Variants in PCDHA3 observed in about 807,000 individuals in gnomAD.
PCDHA3 encodes protocadherin alpha 3.
Under a neutral mutation model 62.2 loss-of-function variants are expected in PCDHA3, and 41 were observed. That is an observed-to-expected ratio of 0.66 (90% confidence interval 0.51 to 0.86). The LOEUF (loss-of-function observed/expected upper bound fraction) is 0.86. Among genes scored for constraint, PCDHA3 ranks in the 40% least tolerant of loss-of-function variants. PCDHA3 has a pLI of 0.00. For missense variants in PCDHA3, 1,304 were observed against 1,241.2 expected (o/e 1.05, Z -0.76); for synonymous variants, 640 against 555.4 (o/e 1.15, Z -2.14).
chr5:140,932,063 T>C (rs1020375496), intron 1 of PCDHA3, among the ~76,000 whole-genome samples: 8 of 151,942 alleles, frequency 5.3e-5, no homozygotes, highest in African/African-American at 1.4e-4. Context: ...CTAAAAATTA[T>C]CAGTTTAAGA....
Position 140,884,585 on chromosome 5 carries a change from A to G in PCDHA3, c.2394+80994A>G, listed in dbSNP as rs2060279044. 1.9e-6 allele frequency: 3 copies of G among 1,614,072 alleles called. No individual in the cohort carries two copies. The South Asian group carries it at 3.3e-5, about 18-fold the overall frequency. On this transcript the variant is annotated intron_variant, in intron 1 of 3. Coordinates refer to ENST00000522353, the MANE Select transcript of PCDHA3 (RefSeq NM_018906.3). ...GCATAAGACGGACCTCATGGCCTTC[A>G]GTCCCAGCCTTCCTCCTTGTCTGGG...
intron 1 of PCDHA3, among the ~76,000 whole-genome samples, chr5:140,938,520 A>G (rs1240941217): frequency 6.6e-6 from 1 of 150,896 alleles, no homozygotes; most frequent in African/African-American, 2.4e-5. Context: ...ATTTTCTGTT[A>G]TTGAATGGAT....
At chr5:140,930,175 G>A (rs1554207630) in intron 1 of PCDHA3, 2 of 152,134 alleles carry the variant, frequency 1.3e-5, no homozygotes, top group African/African-American at 4.8e-5. Context: ...TTACAAAGAG[G>A]AAAGATGAGT....
chr5:140,993,238 T>A (rs896841031), intron 3 of PCDHA3, among the ~76,000 whole-genome samples: 1 of 152,182 alleles, frequency 6.6e-6, no homozygotes, highest in African/African-American at 2.4e-5. Context: ...TCTCTGAATC[T>A]GGGGATTTAG....
intron 1 of PCDHA3, among the ~76,000 whole-genome samples, chr5:140,942,913 G>GA (rs58669311): frequency 1.5e-4 from 23 of 148,948 alleles, no homozygotes; most frequent in Middle Eastern, 3.5e-3. Flanking sequence ...TAAGCGTGAA[G>GA]AAAAAAAAAA....
At chr5:140,862,914 T>G (rs1324923018) in intron 1 of PCDHA3, 1 of 548,316 alleles carries the variant, frequency 1.8e-6, no homozygotes, top group African/African-American at 2.0e-5. Flanking sequence ...TGCTGGCGCC[T>G]TGGGTGGGCT....
At chr5:140,887,039 T>G (rs1396033565) in intron 1 of PCDHA3, among the ~76,000 whole-genome samples, 2 of 152,156 alleles carry the variant, frequency 1.3e-5, no homozygotes, top group African/African-American at 4.8e-5. Flanking sequence ...TTAATATTTT[T>G]TATAGTGCAT....
intron 1 of PCDHA3, chr5:140,809,383 C>T (rs558389511): frequency 1.9e-6 from 3 of 1,614,038 alleles, no homozygotes; most frequent in African/African-American, 1.3e-5. Flanking sequence ...AGGGCGCGTG[C>T]GCTCCGGGCA....
In PCDHA3 at chr5:140,852,083, T is replaced by C; in HGVS notation, c.2394+48492T>C. 2 of 899,622 alleles carry C rather than the reference T, an allele frequency of 2.2e-6. 1 individual carries two copies. Among genetic ancestry groups the C allele is most frequent in the Non-Finnish European group, 2.7e-6 (2 of 737,816 alleles). The allele number at this position is 899,622 out of a possible 1,614,324, so 55.7% of individuals were successfully genotyped here. A position where few individuals can be genotyped will look rare whatever the true frequency, so the allele number is the denominator to read the frequency against. On this transcript the variant is annotated intron_variant, in intron 1 of 3. Coordinates refer to ENST00000522353, the MANE Select transcript of PCDHA3 (RefSeq NM_018906.3). The stretch of plus-strand genomic sequence containing the variant: ...TTCTTTCTCTTTCAGCTATTTTATT[T>C]AATATTGTGTCAGATATTTTACAAG...
Position 141,003,903 on chromosome 5 carries a change from G to C in PCDHA3, c.2543-5724G>C, listed in dbSNP as rs150270772. Among the ~76,000 whole-genome samples, 254 of 152,194 alleles carry C rather than the reference G, an allele frequency of 1.7e-3. 1 individual carries two copies. Among genetic ancestry groups the C allele is most frequent in the Non-Finnish European group, 3.4e-3 (231 of 67,998 alleles). ...AGCCTCTTAACAGGCCCATTCATTT[G>C]GGTCTTGACTGCATCCTCAGTCTTG... On this transcript the variant is annotated intron_variant, in intron 3 of 3. Coordinates refer to ENST00000522353, the MANE Select transcript of PCDHA3 (RefSeq NM_018906.3).
At chr5:140,808,451 G>A (rs781801609) in intron 1 of PCDHA3, 16 of 1,614,210 alleles carry the variant, frequency 9.9e-6, no homozygotes, top group South Asian at 5.5e-5. Flanking sequence ...GTCAGCCTAT[G>A]AGCTGGTGGT....
Position 141,009,783 on chromosome 5 carries a change from G to C in PCDHA3, c.2699G>C (p.Arg900Pro). The part of the protein sequence containing the change: ...IPGSPAIISI[R>P]QEPTNSQIDK... The stretch of plus-strand genomic sequence containing the variant: ...GGATCTCCTGCAATCATCTCCATCC[G>C]GCAGGAGCCTACTAACAGCCAAATT... Residue 900 changes from arginine (R) to proline (P), a missense_variant, in exon 4 of 4, where the codon CGG (arginine) becomes CCG (proline). Arg to Pro is a moderately radical substitution (Grantham distance 103). Coordinates refer to ENST00000522353, the MANE Select transcript of PCDHA3 (RefSeq NM_018906.3). 2 of 1,614,000 alleles carry C rather than the reference G, an allele frequency of 1.2e-6. No homozygotes were observed. The highest frequency in any genetic ancestry group is 1.7e-6 in the Non-Finnish European group (2 of 1,180,008).
intron 1 of PCDHA3, chr5:140,857,699 C>G: frequency 6.3e-7 from 1 of 1,597,158 alleles, no homozygotes; most frequent in South Asian, 1.1e-5. Context: ...CTTGACGCTG[C>G]AGGTGTTCGT....
chr5:140,824,014 T>G, intron 1 of PCDHA3: 1 of 1,614,050 alleles, frequency 6.2e-7, no homozygotes, highest in Non-Finnish European at 8.5e-7. Context: ...GGTGGGGAGC[T>G]GGTCGTACTC....
Position 140,917,751 on chromosome 5 carries a change from A to G in PCDHA3, c.2395-61198A>G, listed in dbSNP as rs577892904. On this transcript the variant is annotated intron_variant, in intron 1 of 3. Coordinates refer to ENST00000522353, the MANE Select transcript of PCDHA3 (RefSeq NM_018906.3). ...GTTCTCTAACCTGTCCCATTGGTCT[A>G]TGTGTCTGTTTTTGTATTAGTACCA... is the stretch of plus-strand genomic sequence containing the variant. Among the ~76,000 whole-genome samples the G allele has an allele frequency of 3.7e-4, 56 of 152,178 alleles. 2 individuals are homozygous for G. The highest frequency in any genetic ancestry group is 1.3e-3 in the African/African-American group (55 of 41,522).
At chr5:140,994,515 C>T (rs1450335712) in intron 3 of PCDHA3, among the ~76,000 whole-genome samples, 1 of 150,120 alleles carries the variant, frequency 6.7e-6, no homozygotes, top group African/African-American at 2.5e-5. Flanking sequence ...ACAGCCTGGG[C>T]AACATGGCAA....
chr5:140,968,635 T>C, intron 1 of PCDHA3: 1 of 1,614,190 alleles, frequency 6.2e-7, no homozygotes, highest in East Asian at 2.2e-5. Context: ...TTTTTTACCA[T>C]CTAGCCCAGA....
rs150518215 is a variant in PCDHA3, at chr5:140,883,444, T to G, written c.2394+79853T>G. On this transcript the variant is annotated intron_variant, in intron 1 of 3. Transcript: ENST00000522353. ...AGGTCACCTGCACCTTGACGCCGCATGTCCCCTTCAAGCTGGTGTCCACCT... is the reference window on the plus strand; with the variant it reads ...AGGTCACCTGCACCTTGACGCCGCAGGTCCCCTTCAAGCTGGTGTCCACCT... The G allele has an allele frequency of 2.5e-6, 4 of 1,614,052 alleles. No individual in the cohort carries two copies. In the African/African-American group the frequency reaches 4.0e-5, roughly 16 times the overall value.
Position 140,802,985 on chromosome 5 carries a change from A to G in PCDHA3, c.1788A>G (p.Ala596=), listed in dbSNP as rs1353425952. 3 of 1,613,912 alleles carry G rather than the reference A, an allele frequency of 1.9e-6. No individual in the cohort carries two copies. The highest frequency in any genetic ancestry group is 1.7e-5 in the Admixed American group (1 of 60,006). The change falls in exon 1 of 4, where the codon GCA becomes GCG. Residue 596 remains alanine, a synonymous_variant. Coordinates refer to ENST00000522353, the MANE Select transcript of PCDHA3 (RefSeq NM_018906.3). ...GAGHVVAKVR[A]VDADSGYNAW... The stretch of plus-strand genomic sequence containing the variant: ...GCCACGTGGTAGCGAAGGTGCGCGC[A>G]GTGGATGCAGACTCAGGCTACAACG...
Sources: allele counts gnomAD v4.1 joint callset (sites outside exome capture counted in the v4.1 genomes callset), GRCh38; gene constraint gnomAD v4.1.1; transcripts MANE v1.5; gene names NCBI Gene and HGNC (gene_info 2026-07-23, HGNC 2026-07-21).